INTS4: variants seen among roughly 807,000 people sequenced by gnomAD.
The protein encoded by INTS4 is MSTP093.
Under a neutral mutation model 119.5 loss-of-function variants are expected in INTS4, and 70 were observed. The observed-to-expected ratio is 0.59, with a 90% CI of 0.48 to 0.71. INTS4 has a LOEUF of 0.71. INTS4 is among the 30% of genes least tolerant of loss of function. The pLI is 0.00. For synonymous variants in INTS4, 316 were observed against 419.6 expected, an observed-to-expected ratio of 0.75 and a Z score of 3.02; for missense variants, 867 against 1,173.2, an observed-to-expected ratio of 0.74 and a Z score of 3.81.
At chr11:77,991,670 G>A (rs1041383535) in intron 1 of INTS4, among the ~76,000 whole-genome samples, 1 of 151,818 alleles carries the variant, frequency 6.6e-6, no homozygotes, top group Non-Finnish European at 1.5e-5. Context: ...TTACAAGCAT[G>A]AGCCACGGTG....
downstream of INTS4, among the ~76,000 whole-genome samples, chr11:77,875,146 C>G (rs974001476): frequency 3.3e-5 from 5 of 152,260 alleles, no homozygotes; most frequent in Admixed American, 6.5e-5. Context: ...ATATAAAGTC[C>G]TTTCAGAAAC....
intron 21 of INTS4, among the ~76,000 whole-genome samples, chr11:77,887,387 A>C (rs1327895794): frequency 6.6e-6 from 1 of 152,136 alleles, no homozygotes; most frequent in Non-Finnish European, 1.5e-5. Context: ...CATGCTAAAA[A>C]CTCTCAATAA....
At chr11:77,983,460 A>G (rs1254094185) in intron 2 of INTS4, among the ~76,000 whole-genome samples, 1 of 152,150 alleles carries the variant, frequency 6.6e-6, no homozygotes, top group African/African-American at 2.4e-5. Flanking sequence ...TTAGTAACAG[A>G]ATATATTAAC....
chr11:77,959,005 T>C (rs569275907), intron 6 of INTS4, among the ~76,000 whole-genome samples, 171 bp from the exon 7 acceptor site: 1 of 152,230 alleles, frequency 6.6e-6, no homozygotes, highest in African/African-American at 2.4e-5. Flanking sequence ...CTCTGTCAGC[T>C]GCTCTGGCTG....
In INTS4 at chr11:77,955,964, C is replaced by G. The variant is rs777331651; in HGVS notation, c.896G>C (p.Arg299Pro). The change falls in exon 8 of 23, where the codon CGT (arginine) becomes CCT (proline). Residue 299 changes from arginine to proline, a missense_variant. By Grantham distance (103) the Arg-to-Pro change is moderately radical. This residue lies in a region of INTS4 where 208 missense variants were observed against 306.6 expected (regional missense o/e 0.68). Coordinates refer to ENST00000534064, the MANE Select transcript of INTS4 (RefSeq NM_033547.4). The stretch of plus-strand genomic sequence containing the variant: ...TACCAACAGTTTTGCTGCCTGAACA[C>G]GAACCACCCAAGAGCCATCACTGAC... ...HMVSDGSWVV[R>P]VQAAKLLGSM... The G allele has an allele frequency of 6.2e-7, 1 of 1,611,156 alleles. No homozygotes were observed. Among genetic ancestry groups the G allele is most frequent in the South Asian group, 1.1e-5 (1 of 90,842 alleles).
At chr11:77,891,150 C>T (rs941785534) in intron 21 of INTS4, among the ~76,000 whole-genome samples, 169 bp downstream of exon 21, 1 of 152,156 alleles carries the variant, frequency 6.6e-6, no homozygotes, top group African/African-American at 2.4e-5. Context: ...TTGCTCCAAA[C>T]CACACTCAGC....
intron 17 of INTS4, 32 bp downstream of exon 17, chr11:77,903,508 C>A: frequency 6.2e-7 from 1 of 1,610,118 alleles, no homozygotes; most frequent in Non-Finnish European, 8.5e-7. Context: ...TGGACAGAGA[C>A]CTATTTGAAG....
In INTS4 at chr11:77,886,297, C is replaced by T. The variant is rs186095618; in HGVS notation, c.2593-2345G>A. Among the ~76,000 whole-genome samples the T allele has an allele frequency of 1.6e-4, 25 of 152,284 alleles. No homozygotes were observed. In the East Asian group the frequency reaches 4.8e-3, roughly 29 times the overall value. ...CTGTGAAATGGTTGCTGGAAGCCTTCTTTCATTTGTCTACTCCAAAAGTGG... is the reference window on the plus strand; with the variant it reads ...CTGTGAAATGGTTGCTGGAAGCCTTTTTTCATTTGTCTACTCCAAAAGTGG... On this transcript the variant is annotated intron_variant, in intron 21 of 22. Transcript: ENST00000534064.
intron 8 of INTS4, 65 bp from the exon 9 acceptor site, chr11:77,941,316 C>T: frequency 6.4e-7 from 1 of 1,574,468 alleles, no homozygotes; most frequent in Non-Finnish European, 8.6e-7. Context: ...TCTTAAAATT[C>T]AGAGTCTATA....
chr11:77,938,567 C>T lies in INTS4; in HGVS notation c.1165+84G>A, dbSNP rs935184380. On this transcript the variant is annotated intron_variant, in intron 10 of 22. Transcript: ENST00000534064. Reference sequence around the variant, plus strand: ...GAGTTACTGTGAGGACTAAATGAAACGATACATGTGTATCACCCAGTATAA... The same window carrying T: ...GAGTTACTGTGAGGACTAAATGAAATGATACATGTGTATCACCCAGTATAA... 13 of 1,511,756 alleles carry T rather than the reference C, an allele frequency of 8.6e-6. No homozygotes were observed. The African/African-American group carries it at 1.1e-4, about 13-fold the overall frequency. The allele number at this position is 1,511,756 out of a possible 1,614,324, so 93.6% of individuals were successfully genotyped here. A position where few individuals can be genotyped will look rare whatever the true frequency, so the allele number is the denominator to read the frequency against.
rs1042376442 is a variant in INTS4 at position 77,897,857 on chromosome 11, G to A, written c.2229-3508C>T. On this transcript the variant is annotated intron_variant, in intron 18 of 22. Coordinates refer to ENST00000534064, the MANE Select transcript of INTS4 (RefSeq NM_033547.4). ...AGGGTCTTGTTCTGTTGCCCAAGTT[G>A]GAGTGCAATAGCATGATCATAGCTC... is the stretch of plus-strand genomic sequence containing the variant. Among the ~76,000 whole-genome samples, 8 of 151,982 alleles carry A rather than the reference G, an allele frequency of 5.3e-5. No individual in the cohort carries two copies. The South Asian group carries it at 6.3e-4, about 12-fold the overall frequency.
At chr11:77,952,640 A>T (rs1954223484) in intron 8 of INTS4, among the ~76,000 whole-genome samples, 1 of 152,200 alleles carries the variant, frequency 6.6e-6, no homozygotes. Flanking sequence ...ATAATTACTT[A>T]TATAATTTGA....
At chr11:77,925,481 T>A (rs1316759606) in intron 11 of INTS4, among the ~76,000 whole-genome samples, 1 of 152,074 alleles carries the variant, frequency 6.6e-6, no homozygotes, top group African/African-American at 2.4e-5. Flanking sequence ...CTCAATTTAT[T>A]AAAAAAACAC....
At chr11:77,939,367 T>C (rs1953874142) in intron 9 of INTS4, among the ~76,000 whole-genome samples, 1 of 152,036 alleles carries the variant, frequency 6.6e-6, no homozygotes, top group Admixed American at 6.6e-5. Context: ...TCCCAGCTAC[T>C]CGGGAGGCGG....
chr11:77,958,633 T>A (rs1954388701), intron 7 of INTS4, 113 bp downstream of exon 7: 1 of 680,832 alleles, frequency 1.5e-6, no homozygotes, highest in East Asian at 2.7e-5. Flanking sequence ...TATTCCCCAT[T>A]GCCTTCCAAA....
intron 4 of INTS4, among the ~76,000 whole-genome samples, chr11:77,961,870 A>T (rs1296992205): frequency 1.3e-5 from 2 of 152,210 alleles, no homozygotes; most frequent in South Asian, 2.1e-4. Flanking sequence ...TCCGTTGATG[A>T]ATATTTAAGT....
At chr11:77,970,417 A>C (rs1202470689) in intron 4 of INTS4, among the ~76,000 whole-genome samples, 3 of 151,940 alleles carry the variant, frequency 2.0e-5, no homozygotes, top group African/African-American at 7.3e-5. Context: ...AAATTCATAT[A>C]CAAACTTCTC....
At chr11:77,891,182 G>A (rs1336798672) in intron 21 of INTS4, 137 bp downstream of exon 21, 4 of 721,380 alleles carry the variant, frequency 5.5e-6, no homozygotes, top group Non-Finnish European at 9.1e-6. Context: ...TTCAAGCCTA[G>A]GTTCTTTCCC....
chr11:77,978,751 T>C, intron 4 of INTS4: 1 of 223,354 alleles, frequency 4.5e-6, no homozygotes, highest in Non-Finnish European at 9.1e-6. Context: ...AAAAACTGAA[T>C]ACAAAGCACC....
Sources: gnomAD v4.1 joint callset for allele counts (sites outside exome capture counted in the v4.1 genomes callset) on GRCh38, gnomAD v4.1.1 for gene constraint, gnomAD v4.1.1 regional missense constraint, MANE v1.5 for transcripts, NCBI Gene and HGNC (gene_info 2026-07-23, HGNC 2026-07-21) for gene names.